ICA1: variants seen among roughly 807,000 people sequenced by gnomAD.
ICA1 encodes 69 kDa islet cell autoantigen.
ICA1 carries 40 observed loss-of-function variants against 71.0 expected under a neutral mutation model. The ratio of observed to expected loss-of-function variants is 0.56; its 90% CI spans 0.44 to 0.73. The LOEUF is 0.73. Among genes scored for constraint, ICA1 ranks in the 30% least tolerant of loss-of-function variants. The probability of loss-of-function intolerance (pLI) is 0.00; values close to 1 mark genes in which losing one functional copy is unlikely to be tolerated. For synonymous variants in ICA1, 207 were observed against 209.5 expected (o/e 0.99, Z 0.10); for missense variants, 578 against 576.5 (o/e 1.00, Z -0.03).
intron 8 of ICA1, among the ~76,000 whole-genome samples, chr7:8,155,034 G>T (rs1172249333): frequency 6.6e-6 from 1 of 152,154 alleles, no homozygotes; most frequent in Non-Finnish European, 1.5e-5. Context: ...TTATCTATCA[G>T]CTTGAGATTC....
chr7:8,168,094 G>A (rs1240927554), intron 6 of ICA1, among the ~76,000 whole-genome samples: 1 of 152,076 alleles, frequency 6.6e-6, no homozygotes, highest in Non-Finnish European at 1.5e-5. Flanking sequence ...TCTGGATCCA[G>A]TTGCTTTTCC....
chr7:8,148,708 A>C (rs1584545960), intron 8 of ICA1, among the ~76,000 whole-genome samples: 1 of 152,256 alleles, frequency 6.6e-6, no homozygotes, highest in African/African-American at 2.4e-5. Flanking sequence ...GACATCACCA[A>C]GACAGAATTT....
At chr7:8,237,724 A>G (rs1011403490) in intron 1 of ICA1, among the ~76,000 whole-genome samples, 1 of 152,164 alleles carries the variant, frequency 6.6e-6, no homozygotes, top group East Asian at 1.9e-4. Flanking sequence ...TTCACTTAGC[A>G]TAATGCATTT....
At position 8,146,794 on chromosome 7, in the gene ICA1, T is replaced by C. The variant is rs76661663; in HGVS notation, c.805-2822A>G. 4.0e-3 allele frequency among the ~76,000 whole-genome samples: 572 copies of C among 142,046 alleles called. 4 individuals are homozygous for C. Among genetic ancestry groups the C allele is most frequent in the African/African-American group, 0.014 (548 of 38,514 alleles). 93.2% of individuals were successfully genotyped at this position (142,046 alleles called of 152,430 possible). ...TATATGTGCAGCCAGGAGGAAGGAG[T>C]TCAATAGATGTCAAGGATGTACTCT... On this transcript the variant is annotated intron_variant, in intron 8 of 13. Coordinates refer to ENST00000402384, the MANE Select transcript of ICA1 (RefSeq NM_001136020.3).
intron 6 of ICA1, among the ~76,000 whole-genome samples, chr7:8,162,029 G>C (rs1371412695): frequency 6.6e-6 from 1 of 152,156 alleles, no homozygotes; most frequent in Non-Finnish European, 1.5e-5. Flanking sequence ...CGTAAGGCTG[G>C]CCTACTTATA....
chr7:8,139,322 T>C (rs1371075683), intron 10 of ICA1, among the ~76,000 whole-genome samples: 1 of 152,226 alleles, frequency 6.6e-6, no homozygotes, highest in Non-Finnish European at 1.5e-5. Context: ...AGTGTGTGAC[T>C]TAAGTAACTG....
chr7:8,134,977 A>AGT (rs1792881292), intron 12 of ICA1, among the ~76,000 whole-genome samples: 1 of 152,108 alleles, frequency 6.6e-6, no homozygotes, highest in Non-Finnish European at 1.5e-5. Context: ...ATCTTACTGA[A>AGT]AAACATAAAA....
At chr7:8,197,574 A>AAATAATAATAATAAT (rs56773343) in intron 6 of ICA1, among the ~76,000 whole-genome samples, 12 of 129,640 alleles carry the variant, frequency 9.3e-5, no homozygotes, top group African/African-American at 1.8e-4. Context: ...AAGAAAGAAG[A>AAATAATAATAATAAT]AATAATAATA....
At chr7:8,231,137 G>C (rs1800156798) in intron 3 of ICA1, among the ~76,000 whole-genome samples, 1 of 152,154 alleles carries the variant, frequency 6.6e-6, no homozygotes, top group Admixed American at 6.6e-5. Context: ...GTGACCTTTA[G>C]GCTGAAACCT....
intron 1 of ICA1, among the ~76,000 whole-genome samples, chr7:8,259,946 T>C (rs995462095): frequency 6.6e-6 from 1 of 152,140 alleles, no homozygotes; most frequent in African/African-American, 2.4e-5. Context: ...GGACAAAACA[T>C]GCAGATAGCA....
chr7:8,169,901 A>AGCGTGTGTGTGTGTGT, intron 6 of ICA1, among the ~76,000 whole-genome samples: 1 of 147,196 alleles, frequency 6.8e-6, no homozygotes, highest in South Asian at 2.2e-4. Flanking sequence ...TTAATGCCTG[A>AGCGTGTGTGTGTGTGT]GTGTGTGTGT....
intron 13 of ICA1, among the ~76,000 whole-genome samples, chr7:8,124,225 A>G (rs552738598): frequency 7.0e-6 from 1 of 142,220 alleles, no homozygotes; most frequent in East Asian, 2.1e-4. Flanking sequence ...GGTTCACGCC[A>G]TTCTCCTGCC....
chr7:8,224,758 T>C (rs1220647452), intron 4 of ICA1, among the ~76,000 whole-genome samples: 2 of 152,214 alleles, frequency 1.3e-5, no homozygotes, highest in Non-Finnish European at 2.9e-5. Context: ...TGAGTGTCCT[T>C]AGTTTCCTTA....
intron 6 of ICA1, among the ~76,000 whole-genome samples, chr7:8,216,121 C>T (rs1415887018): frequency 1.3e-5 from 2 of 152,214 alleles, no homozygotes; most frequent in African/African-American, 4.8e-5. Context: ...ATCATGAGGT[C>T]AGCTGCAAAT....
chr7:8,260,527 C>A (rs550606881), intron 1 of ICA1, among the ~76,000 whole-genome samples: 1 of 152,152 alleles, frequency 6.6e-6, no homozygotes, highest in Non-Finnish European at 1.5e-5. Flanking sequence ...TTAACTGTTA[C>A]GTTTTCTAAA....
chr7:8,253,293 A>C (rs1396861038), intron 1 of ICA1, among the ~76,000 whole-genome samples: 1 of 152,172 alleles, frequency 6.6e-6, no homozygotes, highest in African/African-American at 2.4e-5. Context: ...ATAACCTACA[A>C]AATGATTGTA....
At position 8,211,313 on chromosome 7, in the gene ICA1, C is replaced by G. The variant is rs570382873; in HGVS notation, c.579+6992G>C. 2.0e-5 allele frequency among the ~76,000 whole-genome samples: 3 copies of G among 152,234 alleles called. No homozygotes were observed. The South Asian group carries it at 6.2e-4, about 32-fold the overall frequency. On this transcript the variant is annotated intron_variant, in intron 6 of 13. Transcript: ENST00000402384. ...TTGTGCCATGTGCCCTGCTAAGTAC[C>G]TCCTGTGACTCATGCCCTCTAAAAC...
chr7:8,235,992 A>G lies in ICA1; in HGVS notation c.-66T>C. The G allele has an allele frequency of 6.7e-7, 1 of 1,497,528 alleles. No homozygotes were observed. Among genetic ancestry groups the G allele is most frequent in the Non-Finnish European group, 9.3e-7 (1 of 1,079,338 alleles). The allele number at this position is 1,497,528 out of a possible 1,614,324, so 92.8% of individuals were successfully genotyped here. Reference sequence around the variant, plus strand: ...GGCAGGAAAAAAGCATGAGAGGATAAGTTATATTATAACCTGAAATAAAAC... The same window carrying G: ...GGCAGGAAAAAAGCATGAGAGGATAGGTTATATTATAACCTGAAATAAAAC... On this transcript the variant is annotated 5_prime_UTR_variant, in exon 2 of 14. Coordinates refer to ENST00000402384, the MANE Select transcript of ICA1 (RefSeq NM_001136020.3).
At chr7:8,242,944 A>T (rs1410830814) in intron 1 of ICA1, among the ~76,000 whole-genome samples, 1 of 152,238 alleles carries the variant, frequency 6.6e-6, no homozygotes, top group Non-Finnish European at 1.5e-5. Flanking sequence ...AACCAAAAAA[A>T]GTCCAGGACC....
Sources: gnomAD v4.1 joint callset for allele counts (sites outside exome capture counted in the v4.1 genomes callset) on GRCh38, gnomAD v4.1.1 for gene constraint, MANE v1.5 for transcripts, NCBI Gene and HGNC (gene_info 2026-07-23, HGNC 2026-07-21) for gene names.